PCNX4: variants seen among roughly 807,000 people sequenced by gnomAD.
The protein encoded by PCNX4 is pecanex-like protein 4.
Under a neutral mutation model 107.2 loss-of-function variants are expected in PCNX4, and 103 were observed. That is an observed-to-expected ratio of 0.96 (90% CI 0.82 to 1.13). PCNX4 has a LOEUF of 1.13. Ranked by LOEUF, PCNX4 falls within the 50% of genes most tolerant of loss-of-function variation. PCNX4 has a pLI of 0.00. For missense variants in PCNX4, 1,528 were observed against 1,379.4 expected (o/e 1.11, Z -1.71); for synonymous variants, 541 against 481.7 (o/e 1.12, Z -1.61).
chr14:60,097,816 A>G (rs1895453864), intron 1 of PCNX4, among the ~76,000 whole-genome samples: 1 of 152,222 alleles, frequency 6.6e-6, no homozygotes, highest in Non-Finnish European at 1.5e-5. Context: ...TTTAGCTGAC[A>G]GACTCATGAC....
rs79703536 is a variant in PCNX4 at position 60,112,646 on chromosome 14, A to G, written c.690-2054A>G. Among the ~76,000 whole-genome samples the G allele has an allele frequency of 3.3e-3, 510 of 152,288 alleles. 18 individuals are homozygous for G. The East Asian group carries it at 0.057, about 17-fold the overall frequency. On this transcript the variant is annotated intron_variant, in intron 2 of 10. Transcript: ENST00000406854. ...TTGATAAAAGATTTTATGAGCATACATTATTTTTACACAAATTATCCTATC... is the reference window on the plus strand; with the variant it reads ...TTGATAAAAGATTTTATGAGCATACGTTATTTTTACACAAATTATCCTATC...
rs751038052 is a variant in PCNX4 at position 60,118,347 on chromosome 14, C to T, written c.1597C>T (p.Arg533Cys). The T allele has an allele frequency of 3.2e-5, 51 of 1,610,126 alleles. 1 individual carries two copies. In the Admixed American group the frequency reaches 5.7e-4, roughly 18 times the overall value. The change falls in exon 7 of 11, where the codon CGT (arginine) becomes TGT (cysteine). Residue 533 changes from arginine to cysteine, a missense_variant. Transcript: ENST00000406854. Reference protein sequence around the residue: ...RLLLVGIIRDRLIQFISKLQF... With the variant: ...RLLLVGIIRDCLIQFISKLQF... ...TCTACAGGTTGGTATCATACGTGAT[C>T]GTTTGATTCAGTTCATCTCTAAATT...
chr14:60,107,810 G>T lies in PCNX4; in HGVS notation c.172G>T (p.Gly58Ter). The T allele has an allele frequency of 6.2e-7, 1 of 1,612,710 alleles. No individual in the cohort carries two copies. Among genetic ancestry groups the T allele is most frequent in the Non-Finnish European group, 8.5e-7 (1 of 1,179,812 alleles). ...FLMPWVWGGV[G>*]TLLYQLGILK... ...AATGCCATGGGTTTGGGGTGGAGTC[G>T]GAACACTTTTATACCAGTTAGGCAT... is the stretch of plus-strand genomic sequence containing the variant. The change falls in exon 2 of 11, where the codon GGA (glycine) becomes TGA (stop). Residue 58 changes from glycine to a stop codon, truncating the protein, a stop_gained. Coordinates refer to ENST00000406854, the MANE Select transcript of PCNX4 (RefSeq NM_001330177.2). LOFTEE classifies it high-confidence loss of function.
chr14:60,094,907 G>T (rs1895393756), intron 1 of PCNX4, among the ~76,000 whole-genome samples: 1 of 151,930 alleles, frequency 6.6e-6, no homozygotes, highest in African/African-American at 2.4e-5. Flanking sequence ...TGGTTCTCAG[G>T]TTTTTTTGTA....
chr14:60,130,363 A>G (rs1182251418), intron 10 of PCNX4, among the ~76,000 whole-genome samples: 1 of 151,334 alleles, frequency 6.6e-6, no homozygotes, highest in Non-Finnish European at 1.5e-5. Flanking sequence ...ATCTCGGTAG[A>G]TATAAAAAAA....
intron 10 of PCNX4, among the ~76,000 whole-genome samples, chr14:60,128,647 AAAAC>A (rs1371925876): frequency 1.3e-5 from 2 of 152,348 alleles, no homozygotes; most frequent in East Asian, 1.9e-4. Context: ...TTCACACACA[AAAAC>A]AAAGAGCACC....
chr14:60,101,697 T>TAAA (rs34588901), intron 1 of PCNX4, among the ~76,000 whole-genome samples: 2 of 151,568 alleles, frequency 1.3e-5, no homozygotes, highest in Non-Finnish European at 2.9e-5. Flanking sequence ...TCTCAAAATA[T>TAAA]AAAAAAAATA....
rs1276570473 is a variant in PCNX4, at chr14:60,092,414, C to T, written c.-59C>T. ...TCGCGTCTTCTCTTCCCTCGGGTGACTTGAGGTACGTTCGTTGTCCGACGT... is the reference window on the plus strand; with the variant it reads ...TCGCGTCTTCTCTTCCCTCGGGTGATTTGAGGTACGTTCGTTGTCCGACGT... On this transcript the variant is annotated 5_prime_UTR_variant, in exon 1 of 11. Coordinates refer to ENST00000406854, the MANE Select transcript of PCNX4 (RefSeq NM_001330177.2). 1 of 152,296 alleles carries T rather than the reference C, an allele frequency of 6.6e-6. No homozygotes were observed. Among genetic ancestry groups the T allele is most frequent in the Non-Finnish European group, 1.5e-5 (1 of 68,074 alleles). 9.4% of individuals were successfully genotyped at this position (152,296 alleles called of 1,614,324 possible).
Position 60,116,056 on chromosome 14 carries a change from T to TA in PCNX4, c.1575dup (p.Leu526ThrfsTer7), listed in dbSNP as rs1283896924. ...AGCCTGGATACAGGACTCAGACTCT[T>TA]ACTGGTAAGTGTGTCTTTTAACAGC... On this transcript the variant is annotated frameshift_variant, in exon 6 of 11. Transcript: ENST00000406854. LOFTEE classifies it high-confidence loss of function. The TA allele has an allele frequency of 3.7e-6, 6 of 1,603,160 alleles. No homozygotes were observed. Among genetic ancestry groups the TA allele is most frequent in the Non-Finnish European group, 5.1e-6 (6 of 1,175,700 alleles).
intron 1 of PCNX4, among the ~76,000 whole-genome samples, chr14:60,098,156 C>G (rs1402284358): frequency 6.6e-6 from 1 of 152,258 alleles, no homozygotes; most frequent in East Asian, 1.9e-4. Context: ...AGAGACATGC[C>G]AGCCCCGAGA....
chr14:60,109,687 C>T (rs577623690), intron 2 of PCNX4: 26 of 166,824 alleles, frequency 1.6e-4, no homozygotes, highest in African/African-American at 4.8e-4. Flanking sequence ...GTGATCCACC[C>T]GCCTCGGCCT....
Position 60,120,032 on chromosome 14 carries a change from A to G in PCNX4, c.1943-1164A>G, listed in dbSNP as rs79445673. Reference sequence around the variant, plus strand: ...ATTTAGTGATTCCAGTTCTAGAGAAATTCTAGTACATGTGTTTTGGGGGGT... The same window carrying G: ...ATTTAGTGATTCCAGTTCTAGAGAAGTTCTAGTACATGTGTTTTGGGGGGT... On this transcript the variant is annotated intron_variant, in intron 7 of 10. Transcript: ENST00000406854. Among the ~76,000 whole-genome samples, 505 of 152,300 alleles carry G rather than the reference A, an allele frequency of 3.3e-3. 16 individuals carry two copies. In the East Asian group the frequency reaches 0.056, roughly 17 times the overall value.
rs1323055926 is a variant in PCNX4, at chr14:60,145,047, C to G, written c.*10826C>G. ...GAGGGACAGAAACATGGATCAGTACCTACTCCTATTTACTCCAGTTTTTAA... is the reference window on the plus strand; with the variant it reads ...GAGGGACAGAAACATGGATCAGTACGTACTCCTATTTACTCCAGTTTTTAA... On this transcript the variant is annotated 3_prime_UTR_variant, in exon 11 of 11. Transcript: ENST00000406854. This position sits in a 1 kb window ranked among gnomAD's most constrained non-coding sequence, Gnocchi z 4.0. 5 of 1,456,420 alleles carry G rather than the reference C, an allele frequency of 3.4e-6. No individual in the cohort carries two copies. The highest frequency in any genetic ancestry group is 4.6e-6 in the Non-Finnish European group (5 of 1,091,006). 90.2% of individuals were successfully genotyped at this position (1,456,420 alleles called of 1,614,324 possible).
At chr14:60,130,664 A>T (rs556664449) in intron 10 of PCNX4, among the ~76,000 whole-genome samples, 1 of 152,350 alleles carries the variant, frequency 6.6e-6, no homozygotes, top group Admixed American at 6.5e-5. Context: ...GGCCTATAAC[A>T]TATAGGAATG....
intron 2 of PCNX4, among the ~76,000 whole-genome samples, chr14:60,112,044 T>C (rs1001661577): frequency 4.6e-5 from 7 of 152,172 alleles, no homozygotes; most frequent in African/African-American, 1.7e-4. Flanking sequence ...TCAGAAGATA[T>C]GAAAGGGAGC....
chr14:60,114,818 T>C lies in PCNX4; in HGVS notation c.808T>C (p.Trp270Arg), dbSNP rs376592856. The change falls in exon 3 of 11, where the codon TGG becomes CGG. Residue 270 changes from tryptophan to arginine, a missense_variant. Transcript: ENST00000406854. ...TLPPPDALLL[W>R]AMEQVLEFGL... ...GCCCCCACCCGATGCACTTCTCTTA[T>C]GGGCAATGGAGCAGGTTTTAGAGTT... 27 of 1,613,798 alleles carry C rather than the reference T, an allele frequency of 1.7e-5. No homozygotes were observed. Among genetic ancestry groups the C allele is most frequent in the South Asian group, 7.7e-5 (7 of 91,080 alleles).
intron 1 of PCNX4, among the ~76,000 whole-genome samples, chr14:60,105,794 G>A (rs1895617113): frequency 6.6e-6 from 1 of 152,202 alleles, no homozygotes; most frequent in Admixed American, 6.5e-5. Context: ...TTCCTTCCCA[G>A]CAAGCCACCC....
At position 60,139,401 on chromosome 14, in the gene PCNX4, T is replaced by A. The variant is rs778906397; in HGVS notation, c.*5180T>A. The A allele has an allele frequency of 6.6e-6, 1 of 152,100 alleles. No individual in the cohort carries two copies. Among genetic ancestry groups the A allele is most frequent in the African/African-American group, 2.4e-5 (1 of 41,452 alleles). 9.4% of individuals were successfully genotyped at this position (152,100 alleles called of 1,614,324 possible). The stretch of plus-strand genomic sequence containing the variant: ...GAGACAATTTGTAATGATAAAAGAT[T>A]TGATTCACCAGAAAGTTTCAACAGG... On this transcript the variant is annotated 3_prime_UTR_variant, in exon 11 of 11. Coordinates refer to ENST00000406854, the MANE Select transcript of PCNX4 (RefSeq NM_001330177.2).
chr14:60,145,010 C>T lies in PCNX4; in HGVS notation c.*10789C>T. 1 of 1,589,242 alleles carries T rather than the reference C, an allele frequency of 6.3e-7. No homozygotes were observed. On this transcript the variant is annotated 3_prime_UTR_variant, in exon 11 of 11. Coordinates refer to ENST00000406854, the MANE Select transcript of PCNX4 (RefSeq NM_001330177.2). This position sits in a 1 kb window ranked among gnomAD's most constrained non-coding sequence, Gnocchi z 4.0. ...AAGATTTTAAAATAAGAAGAGTCTG[C>T]ATCCTGTAAAAGAGGGACAGAAACA...
Sources: gnomAD v4.1 joint callset for allele counts (sites outside exome capture counted in the v4.1 genomes callset) on GRCh38, gnomAD v4.1.1 for gene constraint, Gnocchi (gnomAD v3.1) non-coding constraint, MANE v1.5 for transcripts, NCBI Gene and HGNC (gene_info 2026-07-23, HGNC 2026-07-21) for gene names.